ACOX1: variants seen among roughly 807,000 people sequenced by gnomAD.
ACOX1 encodes peroxisomal acyl-coenzyme A oxidase 1.
A neutral mutation model predicts 75.5 loss-of-function variants in ACOX1; 41 were observed. The observed-to-expected ratio is 0.54, with a 90% confidence interval of 0.42 to 0.70. The LOEUF is 0.70. Ranked by LOEUF, ACOX1 falls within the 30% of genes least tolerant of loss-of-function variation. The pLI is 0.00. For missense variants in ACOX1, 630 were observed against 837.5 expected, an observed-to-expected ratio of 0.75 and a Z score of 3.06; for synonymous variants, 303 against 298.8, an observed-to-expected ratio of 1.01 and a Z score of -0.15.
intron 2 of ACOX1, among the ~76,000 whole-genome samples, chr17:75,975,037 G>A (rs533981555): frequency 2.8e-5 from 3 of 108,258 alleles, no homozygotes; most frequent in East Asian, 5.9e-4. Flanking sequence ...GCGACAGAGC[G>A]AGACTCTGTC....
rs1204202978 is a variant in ACOX1, at chr17:75,978,750, C to T, written c.110-57G>A. 1 of 1,611,982 alleles carries T rather than the reference C, an allele frequency of 6.2e-7. No homozygotes were observed. The highest frequency in any genetic ancestry group is 1.3e-5 in the African/African-American group (1 of 74,894). On this transcript the variant is annotated intron_variant, in intron 1 of 13. Transcript: ENST00000293217. The surrounding 1 kb of genome is among the most constrained non-coding windows in gnomAD (Gnocchi z 4.2). ...GACAGACACTCGGGCCTCCGTTCCA[C>T]CCTCCCTGAATCACAATAGGCTTCA...
chr17:75,976,459 TAA>T, intron 2 of ACOX1, among the ~76,000 whole-genome samples: 1 of 152,144 alleles, frequency 6.6e-6, no homozygotes, highest in East Asian at 1.9e-4. Flanking sequence ...CAAGAAGGAA[TAA>T]AATCTTACTA....
rs760352646 is a variant in ACOX1, at chr17:75,973,747, T to C, written c.269+4787A>G. On this transcript the variant is annotated intron_variant, in intron 2 of 13. Transcript: ENST00000293217. Reference sequence around the variant, plus strand: ...CAAGGTAGGAATAAACATGGAGTAATTGAGGCCCACAGGTTCCACAAAATT... The same window carrying C: ...CAAGGTAGGAATAAACATGGAGTAACTGAGGCCCACAGGTTCCACAAAATT... 1.2e-5 allele frequency: 20 copies of C among 1,613,988 alleles called. No homozygotes were observed. The East Asian group carries it at 1.8e-4, about 14-fold the overall frequency.
chr17:75,955,725 A>T (rs1294389024), intron 5 of ACOX1, 44 bp from the exon 6 acceptor site: 6 of 1,611,968 alleles, frequency 3.7e-6, no homozygotes, highest in Middle Eastern at 1.6e-4. Flanking sequence ...TATGCTCTGG[A>T]ATTTCTGGCT....
rs2065757774 is a variant in ACOX1, at chr17:75,949,815, G to C, written c.1381C>G (p.Gln461Glu). The C allele has an allele frequency of 1.2e-6, 2 of 1,614,062 alleles. No homozygotes were observed. The highest frequency in any genetic ancestry group is 2.2e-5 in the East Asian group (1 of 44,890). ...GCTACCTGCTGTGGCTGGATGCGCTGACTGGGCAGGTCGTTCAAATAGGAC... is the reference window on the plus strand; with the variant it reads ...GCTACCTGCTGTGGCTGGATGCGCTCACTGGGCAGGTCGTTCAAATAGGAC... ...MVSYLNDLPS[Q>E]RIQPQQVAVW... The change falls in exon 10 of 14, where the codon CAG becomes GAG. Residue 461 changes from glutamine (Q) to glutamate (E), a missense_variant. Physicochemically the swap from Gln to Glu is conservative, Grantham distance 29 (BLOSUM62 2). This residue lies in a region of ACOX1 where 240 missense variants were observed against 262.7 expected (regional missense o/e 0.91). Coordinates refer to ENST00000293217, the MANE Select transcript of ACOX1 (RefSeq NM_004035.7).
rs574477529 is a variant in ACOX1, at chr17:75,942,398, C to T, written c.*4350G>A. ...TGAGCCAAGATTTCGCCACTGCACT[C>T]TACCCTGGGTGAAAGAGCAAGACAA... is the stretch of plus-strand genomic sequence containing the variant. On this transcript the variant is annotated 3_prime_UTR_variant, in exon 14 of 14. Transcript: ENST00000293217. 1.5e-5 allele frequency: 2 copies of T among 136,514 alleles called. No homozygotes were observed. The highest frequency in any genetic ancestry group is 3.0e-5 in the Non-Finnish European group (2 of 65,814). 8.5% of individuals were successfully genotyped at this position (136,514 alleles called of 1,614,324 possible). A position where few individuals can be genotyped will look rare whatever the true frequency, so the allele number is the denominator to read the frequency against.
chr17:75,947,167 G>A (rs985708973), intron 13 of ACOX1, among the ~76,000 whole-genome samples: 3 of 151,960 alleles, frequency 2.0e-5, no homozygotes, highest in Admixed American at 2.0e-4. Flanking sequence ...ACTGTGCCCA[G>A]CCTGTGGTTG....
chr17:75,950,043 G>C lies in ACOX1; in HGVS notation c.1299-146C>G, dbSNP rs982065922. Reference sequence around the variant, plus strand: ...CAACCTCCTCCTCTTGGGTTCAAATGAATGATTCTCCTGCCTCAGCCTCCC... The same window carrying C: ...CAACCTCCTCCTCTTGGGTTCAAATCAATGATTCTCCTGCCTCAGCCTCCC... On this transcript the variant is annotated intron_variant, in intron 9 of 13. Transcript: ENST00000293217. The surrounding 1 kb of genome is among the most constrained non-coding windows in gnomAD (Gnocchi z 4.3). The C allele has an allele frequency of 2.3e-6, 2 of 865,832 alleles. No individual in the cohort carries two copies. The highest frequency in any genetic ancestry group is 1.7e-5 in the African/African-American group (1 of 59,612). The allele number at this position is 865,832 out of a possible 1,614,324, so 53.6% of individuals were successfully genotyped here.
chr17:75,947,653 T>C (rs937333872), intron 13 of ACOX1, among the ~76,000 whole-genome samples: 1 of 151,882 alleles, frequency 6.6e-6, no homozygotes, highest in Non-Finnish European at 1.5e-5. Context: ...CAAAGAGCAC[T>C]ACGGAATTCT....
intron 3 of ACOX1, among the ~76,000 whole-genome samples, chr17:75,958,602 A>T (rs370956955): frequency 2.0e-5 from 3 of 151,592 alleles, no homozygotes; most frequent in South Asian, 2.1e-4. Flanking sequence ...AAGTCAGGAG[A>T]TCGAGACCAT....
chr17:75,960,479 T>C lies in ACOX1; in HGVS notation c.270-104A>G. The C allele has an allele frequency of 1.7e-6, 2 of 1,184,868 alleles. No homozygotes were observed. The highest frequency in any genetic ancestry group is 2.4e-6 in the Non-Finnish European group (2 of 823,328). 73.4% of individuals were successfully genotyped at this position (1,184,868 alleles called of 1,614,324 possible). On this transcript the variant is annotated intron_variant, in intron 2 of 13. Coordinates refer to ENST00000293217, the MANE Select transcript of ACOX1 (RefSeq NM_004035.7). This position sits in a 1 kb window ranked among gnomAD's most constrained non-coding sequence, Gnocchi z 4.4. ...GGGAAGGAGACAAAAAAACCTTAAG[T>C]ATGAATTAGTTGCGTGCACTTAATC... is the stretch of plus-strand genomic sequence containing the variant.
intron 2 of ACOX1, among the ~76,000 whole-genome samples, chr17:75,965,759 G>C (rs919365021): frequency 2.6e-5 from 4 of 152,046 alleles, no homozygotes; most frequent in African/African-American, 9.7e-5. Context: ...CTTCAGTCTA[G>C]GAGATCAAGG....
intron 6 of ACOX1, among the ~76,000 whole-genome samples, chr17:75,954,325 A>T (rs2065802628): frequency 6.6e-6 from 1 of 151,582 alleles, no homozygotes; most frequent in African/African-American, 2.4e-5. Flanking sequence ...GTTTGAGACC[A>T]GCCTGGCCAA....
At chr17:75,977,275 C>T (rs1244124075) in intron 2 of ACOX1, among the ~76,000 whole-genome samples, 1 of 151,914 alleles carries the variant, frequency 6.6e-6, no homozygotes, top group African/African-American at 2.4e-5. Flanking sequence ...AGATTACAGG[C>T]ATGAGCCACT....
Position 75,966,495 on chromosome 17 carries a change from A to T in ACOX1, c.270-6120T>A, listed in dbSNP as rs561576598. 7.8e-4 allele frequency among the ~76,000 whole-genome samples: 118 copies of T among 150,566 alleles called. 1 individual carries two copies. The South Asian group carries it at 0.023, about 29-fold the overall frequency. ...AAATTAAAATAAAAAAATAAAAAAT[A>T]AAAATAAAAATAGAGTAAAAAGTCT... On this transcript the variant is annotated intron_variant, in intron 2 of 13. Coordinates refer to ENST00000293217, the MANE Select transcript of ACOX1 (RefSeq NM_004035.7).
At chr17:75,972,645 C>CAAAAAAA (rs10606220) in intron 2 of ACOX1, among the ~76,000 whole-genome samples, 1 of 99,204 alleles carries the variant, frequency 1.0e-5, no homozygotes, top group African/African-American at 3.2e-5. Flanking sequence ...AACTCTGTCT[C>CAAAAAAA]AAAAAAAAAA....
At chr17:75,976,758 G>A (rs1315835016) in intron 2 of ACOX1, among the ~76,000 whole-genome samples, 2 of 152,070 alleles carry the variant, frequency 1.3e-5, no homozygotes, top group African/African-American at 4.8e-5. Context: ...TAGAGGCAGT[G>A]ACCATTATTA....
intron 2 of ACOX1, among the ~76,000 whole-genome samples, chr17:75,972,187 G>T (rs1245825762): frequency 6.6e-6 from 1 of 151,968 alleles, no homozygotes. Flanking sequence ...AATTAGCCGG[G>T]CGTGGTGGCG....
chr17:75,966,559 T>C (rs2065934691), intron 2 of ACOX1, among the ~76,000 whole-genome samples: 1 of 152,036 alleles, frequency 6.6e-6, no homozygotes, highest in Non-Finnish European at 1.5e-5. Flanking sequence ...ATCCCAGCAT[T>C]CTGGGAGGCC....
Sources: gnomAD v4.1 joint callset for allele counts (sites outside exome capture counted in the v4.1 genomes callset) on GRCh38, gnomAD v4.1.1 for gene constraint, gnomAD v4.1.1 regional missense constraint, Gnocchi (gnomAD v3.1) non-coding constraint, MANE v1.5 for transcripts, NCBI Gene and HGNC (gene_info 2026-07-23, HGNC 2026-07-21) for gene names.